The following ZNF800 variants were observed in gnomAD, a reference collection of about 807,000 sequenced individuals.
The protein encoded by ZNF800 is zinc finger protein 800.
A neutral mutation model predicts 59.5 loss-of-function variants in ZNF800; 13 were observed. The ratio of observed to expected loss-of-function variants is 0.22; its 90% CI spans 0.14 to 0.35. The LOEUF is 0.35. Among genes scored for constraint, ZNF800 ranks in the 10% least tolerant of loss-of-function variants. The pLI is 1.00. For missense variants in ZNF800, 621 were observed against 783.7 expected (o/e 0.79, Z 2.48); for synonymous variants, 266 against 265.7 (o/e 1.00, Z -0.01).
At chr7:127,366,352 C>A (rs1358315734), downstream of ZNF800, among the ~76,000 whole-genome samples, 2 of 152,088 alleles carry the variant, frequency 1.3e-5, no homozygotes, top group Non-Finnish European at 2.9e-5. Flanking sequence ...CACTAAATCA[C>A]CAACTCAAAC....
intron 1 of ZNF800, among the ~76,000 whole-genome samples, chr7:127,348,655 T>C (rs1393141200): frequency 6.6e-6 from 1 of 152,248 alleles, no homozygotes; most frequent in African/African-American, 2.4e-5. Flanking sequence ...ACACGACACA[T>C]CACATATGTA....
At chr7:127,383,177 A>G (rs1801022270) in intron 3 of ZNF800, among the ~76,000 whole-genome samples, 1 of 152,224 alleles carries the variant, frequency 6.6e-6, no homozygotes, top group Non-Finnish European at 1.5e-5. Context: ...ACTCCTTCAT[A>G]AGACAGAACT....
chr7:127,391,634 A>C lies in ZNF800; in HGVS notation c.-58-19T>G, dbSNP rs374655208. ...GGCGTGGCTGTTGAAAGAAGCACAA[A>C]CCCGTCACTCGCCCTGAACTTCCTG... On this transcript the variant is annotated intron_variant, in intron 1 of 5. Coordinates refer to ENST00000265827, the MANE Select transcript of ZNF800 (RefSeq NM_176814.5). The C allele has an allele frequency of 1.5e-6, 2 of 1,362,180 alleles. No individual in the cohort carries two copies. The allele number at this position is 1,362,180 out of a possible 1,614,324, so 84.4% of individuals were successfully genotyped here.
In ZNF800 at chr7:127,359,460, A is replaced by G. The variant is rs562609291; in HGVS notation, n.225-11417T>C. Among the ~76,000 whole-genome samples the G allele has an allele frequency of 3.3e-4, 41 of 125,344 alleles. No individual in the cohort carries two copies. The South Asian group carries it at 0.011, about 34-fold the overall frequency. The allele number at this position is 125,344 out of a possible 152,430, so 82.2% of individuals were successfully genotyped here. ...AAAATTCTAGCAAAGAGGACCTGAA[A>G]GCAAAATATTTTTAAGTAAAGAAAT... On this transcript the variant is annotated intron_variant and non_coding_transcript_variant, in intron 1 of 1. Transcript: ENST00000485577.
intron 3 of ZNF800, among the ~76,000 whole-genome samples, chr7:127,378,320 T>TA (rs1413645123): frequency 6.6e-6 from 1 of 152,136 alleles, no homozygotes; most frequent in African/African-American, 2.4e-5. Context: ...GGAAGGTCTT[T>TA]AGTCACTACT....
Position 127,377,965 on chromosome 7 carries a change from T to A in ZNF800, c.158-636A>T, listed in dbSNP as rs1800833902. 6.6e-6 allele frequency among the ~76,000 whole-genome samples: 1 copy of A among 152,018 alleles called. No homozygotes were observed. The highest frequency in any genetic ancestry group is 1.5e-5 in the Non-Finnish European group (1 of 67,906). ...GAGAATCTTTGTCTATACTGAGACA[T>A]AATTTTGAACTATGCTTACGCCTCT... On this transcript the variant is annotated intron_variant, in intron 3 of 5. Transcript: ENST00000265827. The surrounding 1 kb of genome is among the most constrained non-coding windows in gnomAD (Gnocchi z 4.7).
At chr7:127,352,170 A>T (rs1254445471) in intron 1 of ZNF800, among the ~76,000 whole-genome samples, 8 of 152,366 alleles carry the variant, frequency 5.3e-5, no homozygotes, top group African/African-American at 1.9e-4. Flanking sequence ...AAGATGGATC[A>T]CACTCATCTA....
At chr7:127,373,265 C>T (rs1800681355) in intron 5 of ZNF800, 77 bp downstream of exon 5, 2 of 1,517,992 alleles carry the variant, frequency 1.3e-6, no homozygotes, top group Non-Finnish European at 8.8e-7. Flanking sequence ...ATGGAACCAG[C>T]TATAAATTAT....
At chr7:127,354,278 C>A (rs907232547) in intron 1 of ZNF800, among the ~76,000 whole-genome samples, 2 of 151,996 alleles carry the variant, frequency 1.3e-5, no homozygotes, top group Admixed American at 6.6e-5. Context: ...ACCCTCTCTT[C>A]CTGAAAGAAA....
intron 1 of ZNF800, chr7:127,349,782 A>G (rs1800136753): frequency 6.6e-6 from 1 of 152,240 alleles, no homozygotes; most frequent in Admixed American, 6.5e-5. Context: ...ATTTTCTCTC[A>G]AAAACCTTAA....
At chr7:127,356,047 T>G (rs945458376) in intron 1 of ZNF800, among the ~76,000 whole-genome samples, 5 of 152,034 alleles carry the variant, frequency 3.3e-5, no homozygotes, top group African/African-American at 1.2e-4. Context: ...ATTGATTAAG[T>G]TTGTGAATTG....
At chr7:127,364,791 T>C (rs1056345406) in intron 1 of ZNF800, 6 of 152,064 alleles carry the variant, frequency 3.9e-5, no homozygotes, top group African/African-American at 1.4e-4. Flanking sequence ...AAAATAGTCC[T>C]GATGTGAAAA....
intron 1 of ZNF800, among the ~76,000 whole-genome samples, chr7:127,357,445 C>T (rs1800293269): frequency 1.3e-5 from 2 of 152,094 alleles, no homozygotes; most frequent in South Asian, 2.1e-4. Flanking sequence ...GTTTCTCATA[C>T]GGATTATGTC....
rs544932991 is a variant in ZNF800 at position 127,374,735 on chromosome 7, C to T, written c.601G>A (p.Asp201Asn). 6.8e-6 allele frequency: 11 copies of T among 1,614,020 alleles called. No homozygotes were observed. In the African/African-American group the frequency reaches 9.3e-5, roughly 14 times the overall value. The change falls in exon 5 of 6, where the codon GAT becomes AAT. Residue 201 changes from aspartate (D) to asparagine (N), a missense_variant. Physicochemically the swap from Asp to Asn is conservative, Grantham distance 23 (BLOSUM62 1). Coordinates refer to ENST00000265827, the MANE Select transcript of ZNF800 (RefSeq NM_176814.5). ...VEPPPVEIVT[D>N]EVAPTSDEQP... ...TCATCAGATGTAGGTGCAACTTCAT[C>T]TGTAACAATCTCAACAGGAGGGGGC...
Position 127,392,184 on chromosome 7 carries a change from G to A in ZNF800, c.-183C>T, listed in dbSNP as rs963859386. 6.8e-5 allele frequency: 27 copies of A among 394,870 alleles called. No individual in the cohort carries two copies. The highest frequency in any genetic ancestry group is 1.1e-4 in the Non-Finnish European group (24 of 223,626). The allele number at this position is 394,870 out of a possible 1,614,324, so 24.5% of individuals were successfully genotyped here. ...TGGCGCAGCCTCCGCTGACCACGCG[G>A]GGGAACCCGGACTCGGGCCCGACGC... is the stretch of plus-strand genomic sequence containing the variant. On this transcript the variant is annotated 5_prime_UTR_variant, in exon 1 of 6. Transcript: ENST00000265827.
chr7:127,365,804 G>A (rs958157875), downstream of ZNF800, among the ~76,000 whole-genome samples: 8 of 151,956 alleles, frequency 5.3e-5, no homozygotes, highest in Non-Finnish European at 5.9e-5. Flanking sequence ...TTCATTTAAC[G>A]GTTGGATTAT....
rs1800811310 is a variant in ZNF800 at position 127,377,187 on chromosome 7, G to A, written c.300C>T (p.Asp100=). The A allele has an allele frequency of 6.2e-7, 1 of 1,608,828 alleles. No individual in the cohort carries two copies. The highest frequency in any genetic ancestry group is 1.7e-5 in the Admixed American group (1 of 59,362). The change falls in exon 4 of 6, where the codon GAC becomes GAT. Residue 100 remains aspartate (D), a splice_region_variant and synonymous_variant. Coordinates refer to ENST00000265827, the MANE Select transcript of ZNF800 (RefSeq NM_176814.5). The surrounding 1 kb of genome is among the most constrained non-coding windows in gnomAD (Gnocchi z 4.7). ...FYCPPSLQMD[D]NLPDVNDKQS... Reference sequence around the variant, plus strand: ...ACTGAGTATATGAATAAAACTTACTGTCATCCATCTGGAGACTTGGTGGGC... The same window carrying A: ...ACTGAGTATATGAATAAAACTTACTATCATCCATCTGGAGACTTGGTGGGC...
At chr7:127,348,476 T>C (rs1329817772) in intron 1 of ZNF800, among the ~76,000 whole-genome samples, 1 of 148,404 alleles carries the variant, frequency 6.7e-6, no homozygotes, top group African/African-American at 2.5e-5. Flanking sequence ...AACAATAAGG[T>C]ATTGGTTATA....
downstream of ZNF800, among the ~76,000 whole-genome samples, chr7:127,344,577 G>T (rs148591387): frequency 3.3e-3 from 502 of 152,100 alleles, 3 homozygotes; most frequent in African/African-American, 0.012. Context: ...ATTTAAAAAA[G>T]AAGAGTAACA....
Sources: allele counts gnomAD v4.1 joint callset (sites outside exome capture counted in the v4.1 genomes callset), GRCh38; gene constraint gnomAD v4.1.1; non-coding constraint Gnocchi (gnomAD v3.1); transcripts MANE v1.5; gene names NCBI Gene and HGNC (gene_info 2026-07-23, HGNC 2026-07-21).